The following SDK1 variants were observed in gnomAD, a reference collection of about 807,000 sequenced individuals.
The protein encoded by SDK1 is sidekick cell adhesion molecule 1.
In SDK1, 157 loss-of-function variants were observed where a neutral mutation model predicts 245.5. The ratio of observed to expected loss-of-function variants is 0.64; its 90% CI spans 0.56 to 0.73. SDK1 has a LOEUF of 0.73. Ranked by LOEUF, SDK1 falls within the 30% of genes least tolerant of loss-of-function variation. The pLI is 0.00. For synonymous variants in SDK1, 1,647 were observed against 1,278.5 expected, an observed-to-expected ratio of 1.29 and a Z score of -6.15; for missense variants, 3,583 against 3,002.3, an observed-to-expected ratio of 1.19 and a Z score of -4.52.
chr7:3,525,051 C>G (rs1050449187), intron 1 of SDK1, among the ~76,000 whole-genome samples: 1 of 152,100 alleles, frequency 6.6e-6, no homozygotes, highest in African/African-American at 2.4e-5. Context: ...AAAAATATAA[C>G]TATTTACGTA....
chr7:3,431,369 T>TG (rs1562482400), intron 1 of SDK1, among the ~76,000 whole-genome samples: 3 of 151,134 alleles, frequency 2.0e-5, no homozygotes, highest in South Asian at 4.2e-4. Flanking sequence ...TTTTTTTTTT[T>TG]TTTTTTTTTT....
intron 35 of SDK1, among the ~76,000 whole-genome samples, chr7:4,189,296 C>T (rs1783058304): frequency 6.6e-6 from 1 of 151,690 alleles, no homozygotes; most frequent in Non-Finnish European, 1.5e-5. Flanking sequence ...ATTGTAATGG[C>T]TCGTCCCTGC....
intron 20 of SDK1, among the ~76,000 whole-genome samples, chr7:4,074,265 C>T (rs544202346): frequency 1.3e-5 from 2 of 152,200 alleles, no homozygotes; most frequent in South Asian, 2.1e-4. Flanking sequence ...CAGGCATTTG[C>T]GATTGAAGCA....
Position 3,807,954 on chromosome 7 carries a change from A to T in SDK1, c.714-13496A>T, listed in dbSNP as rs113728439. ...TTAATTCTCCTGCCAACACTAAGGGATGGATACAATTATTATCCCCATCTG... is the reference window on the plus strand; with the variant it reads ...TTAATTCTCCTGCCAACACTAAGGGTTGGATACAATTATTATCCCCATCTG... On this transcript the variant is annotated intron_variant, in intron 4 of 44. Transcript: ENST00000404826. Among the ~76,000 whole-genome samples, 189 of 152,240 alleles carry T rather than the reference A, an allele frequency of 1.2e-3. 1 individual carries two copies. Among genetic ancestry groups the T allele is most frequent in the African/African-American group, 4.2e-3 (176 of 41,538 alleles).
At chr7:3,408,244 A>G (rs551515393) in intron 1 of SDK1, among the ~76,000 whole-genome samples, 2 of 151,966 alleles carry the variant, frequency 1.3e-5, no homozygotes, top group South Asian at 2.1e-4. Context: ...GGGTTTCACT[A>G]TGTTGGCCAG....
At chr7:4,118,214 TAA>T in intron 25 of SDK1, among the ~76,000 whole-genome samples, 2 of 152,262 alleles carry the variant, frequency 1.3e-5, no homozygotes, top group South Asian at 4.1e-4. Flanking sequence ...CTAGAATATA[TAA>T]AGACTTCACA....
At chr7:3,829,652 A>G (rs1021837046) in intron 5 of SDK1, among the ~76,000 whole-genome samples, 3 of 152,208 alleles carry the variant, frequency 2.0e-5, no homozygotes, top group Admixed American at 6.5e-5. Flanking sequence ...AACGTGTCCA[A>G]GAGAGAAGCC....
Position 4,132,377 on chromosome 7 carries a change from G to A in SDK1, c.4182G>A (p.Val1394=). The change falls in exon 28 of 45, where the codon GTG becomes GTA. Residue 1394 remains valine, a synonymous_variant. Transcript: ENST00000404826. ...TCCCCGAAGTGAGACTCACCTCCGT[G>A]CGGATAGTGTGGCAACCTCCGGAGG... ...LVFPEVRLTS[V]RIVWQPPEEP... The A allele has an allele frequency of 6.2e-7, 1 of 1,613,206 alleles. No homozygotes were observed. The highest frequency in any genetic ancestry group is 8.5e-7 in the Non-Finnish European group (1 of 1,179,602).
chr7:3,344,115 A>G (rs186889741), intron 1 of SDK1, among the ~76,000 whole-genome samples: 15 of 152,278 alleles, frequency 9.9e-5, no homozygotes, highest in African/African-American at 3.4e-4. Context: ...ACCAAAGCCT[A>G]TGGACACAGT....
intron 4 of SDK1, among the ~76,000 whole-genome samples, chr7:3,747,047 C>T (rs548978051): frequency 6.6e-6 from 1 of 152,318 alleles, no homozygotes; most frequent in South Asian, 2.1e-4. Context: ...GATTCATAGG[C>T]TGCAGAATGG....
At chr7:3,833,087 A>G (rs1414997544) in intron 5 of SDK1, among the ~76,000 whole-genome samples, 1 of 152,108 alleles carries the variant, frequency 6.6e-6, no homozygotes, top group Non-Finnish European at 1.5e-5. Flanking sequence ...GGGAAGTGTG[A>G]AGGCTATAAC....
intron 34 of SDK1, among the ~76,000 whole-genome samples, chr7:4,177,189 C>T (rs79626101): frequency 0.05 from 7,539 of 152,252 alleles, 261 homozygotes; most frequent in Non-Finnish European, 0.07. Flanking sequence ...CGTCCAAGGA[C>T]GGGCGCCTGA....
At chr7:4,189,369 A>T (rs932331419) in intron 35 of SDK1, among the ~76,000 whole-genome samples, 1 of 152,186 alleles carries the variant, frequency 6.6e-6, no homozygotes, top group Non-Finnish European at 1.5e-5. Context: ...CATGTTAAAT[A>T]TTAGTCCAGC....
intron 13 of SDK1, among the ~76,000 whole-genome samples, chr7:3,980,939 CA>C (rs35657695): frequency 0.49 from 70,021 of 142,386 alleles, 17,490 homozygotes; most frequent in South Asian, 0.69. Flanking sequence ...GACTCCATCT[CA>C]AAAAAAAAAA....
At chr7:4,012,655 C>G (rs1373050212) in intron 16 of SDK1, among the ~76,000 whole-genome samples, 1 of 130,504 alleles carries the variant, frequency 7.7e-6, no homozygotes, top group African/African-American at 2.8e-5. Context: ...CTCAATGCAA[C>G]TTCCGCTGCC....
At chr7:3,567,790 T>G (rs1583174858) in intron 1 of SDK1, among the ~76,000 whole-genome samples, 1 of 152,184 alleles carries the variant, frequency 6.6e-6, no homozygotes, top group Admixed American at 6.5e-5. Flanking sequence ...TTCTTTTTAT[T>G]TTCTATTTTA....
intron 25 of SDK1, among the ~76,000 whole-genome samples, chr7:4,123,117 T>C (rs545313030): frequency 9.9e-5 from 15 of 152,224 alleles, no homozygotes; most frequent in Non-Finnish European, 2.1e-4. Flanking sequence ...CAGCTGTGAT[T>C]TGTAGGTCTA....
chr7:4,008,196 C>T (rs758864203), intron 14 of SDK1, among the ~76,000 whole-genome samples: 14 of 152,206 alleles, frequency 9.2e-5, no homozygotes, highest in Non-Finnish European at 2.1e-4. Context: ...AAGGTTCATC[C>T]ATGTTCCGCC....
intron 1 of SDK1, among the ~76,000 whole-genome samples, chr7:3,466,988 A>ACACACACACACACC (rs1781024617): frequency 7.7e-6 from 1 of 130,326 alleles, no homozygotes; most frequent in Non-Finnish European, 1.6e-5. Context: ...CTACACACAC[A>ACACACACACACACC]CACACACACA....
Sources: gnomAD v4.1 joint callset for allele counts (sites outside exome capture counted in the v4.1 genomes callset) on GRCh38, gnomAD v4.1.1 for gene constraint, MANE v1.5 for transcripts, NCBI Gene and HGNC (gene_info 2026-07-23, HGNC 2026-07-21) for gene names.